Variants in MYRFL observed in about 807,000 individuals in gnomAD.
MYRFL encodes myelin regulatory factor like, also known as myelin regulatory factor-like protein.
MYRFL carries 88 observed loss-of-function variants against 109.4 expected under a neutral mutation model. The ratio of observed to expected loss-of-function variants is 0.80; its 90% CI spans 0.68 to 0.96. MYRFL has a LOEUF of 0.96. Among genes scored for constraint, MYRFL ranks in the 40% least tolerant of loss-of-function variants. The pLI is 0.00. For missense variants in MYRFL, 957 were observed against 954.9 expected (o/e 1.00, Z -0.03); for synonymous variants, 324 against 320.9 (o/e 1.01, Z -0.10).
intron 1 of MYRFL, among the ~76,000 whole-genome samples, chr12:69,853,377 A>C (rs1456614984): frequency 1.4e-5 from 2 of 142,398 alleles, no homozygotes; most frequent in East Asian, 4.3e-4. Flanking sequence ...TGCCGGGCGG[A>C]GGGGCTCCTC....
At chr12:69,942,529 C>T (rs915540437) in intron 19 of MYRFL, among the ~76,000 whole-genome samples, 1 of 148,802 alleles carries the variant, frequency 6.7e-6, no homozygotes, top group African/African-American at 2.5e-5. Flanking sequence ...ATTGATGGGA[C>T]ATATTTCAAA....
chr12:69,938,242 T>C (rs1023519411), intron 19 of MYRFL, among the ~76,000 whole-genome samples: 1 of 152,236 alleles, frequency 6.6e-6, no homozygotes, highest in Non-Finnish European at 1.5e-5. Flanking sequence ...ACATGGAACC[T>C]TGTGGCTGGT....
intron 13 of MYRFL, among the ~76,000 whole-genome samples, chr12:69,920,054 G>C (rs1490028849): frequency 6.6e-6 from 1 of 152,140 alleles, no homozygotes; most frequent in Non-Finnish European, 1.5e-5. Context: ...GACCTGCAAT[G>C]GACCCAGGAG....
At chr12:69,826,180 C>T (rs778353962) in intron 1 of MYRFL, among the ~76,000 whole-genome samples, 36 of 152,028 alleles carry the variant, frequency 2.4e-4, no homozygotes, top group Non-Finnish European at 4.1e-4. Flanking sequence ...TTCTATGTCA[C>T]TATTGGGAGG....
chr12:69,896,302 G>C (rs1228409802), intron 9 of MYRFL, among the ~76,000 whole-genome samples: 4 of 152,140 alleles, frequency 2.6e-5, no homozygotes, highest in Non-Finnish European at 5.9e-5. Flanking sequence ...GACACACTGA[G>C]CTCTTGACAG....
chr12:69,915,350 G>A (rs1050941518), intron 13 of MYRFL, among the ~76,000 whole-genome samples: 37 of 152,104 alleles, frequency 2.4e-4, no homozygotes, highest in African/African-American at 8.9e-4. Flanking sequence ...CTCCATTTCT[G>A]TCCCATCACC....
At chr12:69,868,862 A>G (rs1275451321) in intron 2 of MYRFL, among the ~76,000 whole-genome samples, 3 of 152,098 alleles carry the variant, frequency 2.0e-5, no homozygotes, top group Admixed American at 6.5e-5. Flanking sequence ...ACACATGTGC[A>G]CACACACGCG....
intron 1 of MYRFL, among the ~76,000 whole-genome samples, chr12:69,828,377 A>C (rs557078997): frequency 6.6e-6 from 1 of 152,112 alleles, no homozygotes; most frequent in Non-Finnish European, 1.5e-5. Flanking sequence ...TATACAGTGT[A>C]TGTGTGTATC....
chr12:69,950,625 T>C (rs756481367), intron 19 of MYRFL, among the ~76,000 whole-genome samples: 3 of 152,142 alleles, frequency 2.0e-5, no homozygotes, highest in Non-Finnish European at 2.9e-5. Context: ...CGAGAAGTAG[T>C]ATCAGGATCA....
intron 1 of MYRFL, among the ~76,000 whole-genome samples, chr12:69,832,476 T>C (rs1176089326): frequency 6.6e-6 from 1 of 152,136 alleles, no homozygotes; most frequent in Non-Finnish European, 1.5e-5. Flanking sequence ...TCATTAATTA[T>C]GAAGAAAATA....
chr12:69,951,189 C>G (rs1274993435), intron 19 of MYRFL, among the ~76,000 whole-genome samples: 4 of 152,162 alleles, frequency 2.6e-5, no homozygotes, highest in African/African-American at 9.7e-5. Context: ...GGGATAGTTT[C>G]TTAGTCCACT....
At chr12:69,957,750 T>TATC (rs2120567676) in intron 22 of MYRFL, 72 bp from the exon 23 acceptor site, 1 of 1,450,846 alleles carries the variant, frequency 6.9e-7, no homozygotes, top group East Asian at 2.5e-5. Flanking sequence ...ATCCTCCTCT[T>TATC]ATCAAGATGT....
Position 69,891,599 on chromosome 12 carries a change from T to TTCTTTCTTTC in MYRFL, c.903+440_903+441insTTCTCTTTCT, listed in dbSNP as rs1183414900. 2.9e-4 allele frequency among the ~76,000 whole-genome samples: 40 copies of TTCTTTCTTTC among 135,860 alleles called. 2 individuals are homozygous for TTCTTTCTTTC. The highest frequency in any genetic ancestry group is 6.2e-5 in the Non-Finnish European group (4 of 64,098). The allele number at this position is 135,860 out of a possible 152,430, so 89.1% of individuals were successfully genotyped here. A position where few individuals can be genotyped will look rare whatever the true frequency, so the allele number is the denominator to read the frequency against. ...TTTCTTTCTTTCTTTCTTTCTTTCTTTCTTTCTCTTTCTTTCTTTCTTTCC... is the reference window on the plus strand; with the variant it reads ...TTTCTTTCTTTCTTTCTTTCTTTCTTTCTTTCTTTCTCTTTCTCTTTCTTTCTTTCTTTCC... On this transcript the variant is annotated intron_variant, in intron 7 of 24. Coordinates refer to ENST00000552032, the MANE Select transcript of MYRFL (RefSeq NM_182530.3).
Position 69,958,722 on chromosome 12 carries a change from T to A in MYRFL, c.*191T>A. ...GGAGAATAAAATGTTTGCTGAAACT[T>A]GAAATAATGTGATGTTTGATTTTGC... On this transcript the variant is annotated 3_prime_UTR_variant, in exon 25 of 25. Coordinates refer to ENST00000552032, the MANE Select transcript of MYRFL (RefSeq NM_182530.3). 1.9e-6 allele frequency: 1 copy of A among 525,502 alleles called. No homozygotes were observed. The highest frequency in any genetic ancestry group is 3.3e-6 in the Non-Finnish European group (1 of 301,036). The allele number at this position is 525,502 out of a possible 1,614,324, so 32.6% of individuals were successfully genotyped here.
At chr12:69,920,788 G>A (rs905635406) in intron 13 of MYRFL, among the ~76,000 whole-genome samples, 1 of 152,190 alleles carries the variant, frequency 6.6e-6, no homozygotes, top group Non-Finnish European at 1.5e-5. Context: ...CCCACTCTGA[G>A]CTCACTAACA....
At chr12:69,875,137 T>TG (rs2136330527) in intron 2 of MYRFL, among the ~76,000 whole-genome samples, 1 of 150,614 alleles carries the variant, frequency 6.6e-6, no homozygotes, top group East Asian at 2.0e-4. Context: ...TAATTTTTTT[T>TG]TCTGTTTCAT....
Position 69,957,761 on chromosome 12 carries a change from A to G in MYRFL, c.2451-61A>G, listed in dbSNP as rs1956126834. 9 of 1,482,664 alleles carry G rather than the reference A, an allele frequency of 6.1e-6. No homozygotes were observed. In the South Asian group the frequency reaches 7.8e-5, roughly 13 times the overall value. The allele number at this position is 1,482,664 out of a possible 1,614,324, so 91.8% of individuals were successfully genotyped here. A position where few individuals can be genotyped will look rare whatever the true frequency, so the allele number is the denominator to read the frequency against. Reference sequence around the variant, plus strand: ...TTAGATCCTCCTCTTATCAAGATGTATCCTAGTAGAAGCTGGTAACTGCTT... The same window carrying G: ...TTAGATCCTCCTCTTATCAAGATGTGTCCTAGTAGAAGCTGGTAACTGCTT... On this transcript the variant is annotated intron_variant, in intron 22 of 24. Coordinates refer to ENST00000552032, the MANE Select transcript of MYRFL (RefSeq NM_182530.3).
At chr12:69,852,506 TTAAA>T (rs1215028075) in intron 1 of MYRFL, among the ~76,000 whole-genome samples, 6 of 150,814 alleles carry the variant, frequency 4.0e-5, no homozygotes, top group Non-Finnish European at 5.9e-5. Flanking sequence ...TTTATTTATT[TTAAA>T]TAAATAAATT....
intron 6 of MYRFL, among the ~76,000 whole-genome samples, chr12:69,888,150 A>G (rs1886571166): frequency 6.6e-6 from 1 of 152,244 alleles, no homozygotes; most frequent in Admixed American, 6.5e-5. Context: ...CTTGGCTCCA[A>G]TAATCTAGAA....
Sources: allele counts gnomAD v4.1 joint callset (sites outside exome capture counted in the v4.1 genomes callset), GRCh38; gene constraint gnomAD v4.1.1; transcripts MANE v1.5; gene names NCBI Gene and HGNC (gene_info 2026-07-23, HGNC 2026-07-21).